The following LSAMP variants were observed in gnomAD, a reference collection of about 807,000 sequenced individuals.
LSAMP encodes limbic system-associated membrane protein.
In LSAMP, 7 loss-of-function variants were observed where a neutral mutation model predicts 38.6. The observed-to-expected ratio is 0.18, with a 90% CI of 0.10 to 0.34. LSAMP has a LOEUF of 0.34. LSAMP is among the 10% of genes least tolerant of loss of function. The pLI, the probability that LSAMP is intolerant of heterozygous loss-of-function variation, is 1.00. For missense variants in LSAMP, 313 were observed against 420.0 expected (o/e 0.75, Z 2.23); for synonymous variants, 154 against 166.8 (o/e 0.92, Z 0.59).
At chr3:115,940,307 C>T (rs1413597506) in intron 3 of LSAMP, among the ~76,000 whole-genome samples, 1 of 8,202 alleles carries the variant, frequency 1.2e-4, no homozygotes, top group East Asian at 7.5e-3. Context: ...TTTGGCCCCG[C>T]CCACGTCCTA....
intron 1 of LSAMP, among the ~76,000 whole-genome samples, chr3:116,179,015 C>T (rs1173004301): frequency 7.4e-6 from 1 of 135,254 alleles, no homozygotes; most frequent in Non-Finnish European, 1.7e-5. Context: ...TCTCAGCTAC[C>T]CAACTTTTAC....
intron 2 of LSAMP, among the ~76,000 whole-genome samples, chr3:116,082,282 A>C (rs750809794): frequency 2.0e-5 from 3 of 152,194 alleles, no homozygotes; most frequent in Non-Finnish European, 4.4e-5. Context: ...TTTATATATA[A>C]TTTGATTCAA....
chr3:116,389,043 AGAAACCCAAGTT>A (rs1173856205), intron 1 of LSAMP, among the ~76,000 whole-genome samples: 1 of 152,226 alleles, frequency 6.6e-6, no homozygotes, highest in East Asian at 1.9e-4. Context: ...GAACCAGTCA[AGAAACCCAAGTT>A]CTAATTGCAG....
At chr3:116,343,432 T>G (rs1291953232) in intron 1 of LSAMP, among the ~76,000 whole-genome samples, 1 of 152,132 alleles carries the variant, frequency 6.6e-6, no homozygotes, top group Admixed American at 6.6e-5. Context: ...AGGGTCCACT[T>G]GTTATTTATA....
chr3:116,068,974 C>CA (rs1469492870), intron 2 of LSAMP, among the ~76,000 whole-genome samples: 1 of 152,150 alleles, frequency 6.6e-6, no homozygotes, highest in Non-Finnish European at 1.5e-5. Flanking sequence ...TTGTGGATAG[C>CA]AAGATCAAGT....
chr3:116,071,883 G>A (rs1438719450), intron 2 of LSAMP, among the ~76,000 whole-genome samples: 1 of 151,748 alleles, frequency 6.6e-6, no homozygotes, highest in East Asian at 1.9e-4. Context: ...GTTTGCTGAG[G>A]ATAACAGCTT....
In LSAMP at chr3:116,441,739, T is replaced by G. The variant is rs147062367; in HGVS notation, c.155+3138A>C. On this transcript the variant is annotated intron_variant, in intron 1 of 6. Transcript: ENST00000490035. ...GGTAGACTCTGTTTAGAAAAGCACC[T>G]GAGGCAGCTTCATGACTGAAGTCCT... Among the ~76,000 whole-genome samples, 40 of 152,348 alleles carry G rather than the reference T, an allele frequency of 2.6e-4. 1 individual carries two copies. The East Asian group carries it at 7.5e-3, about 29-fold the overall frequency.
intron 1 of LSAMP, among the ~76,000 whole-genome samples, chr3:116,166,810 G>A (rs1484971453): frequency 1.1e-4 from 14 of 123,134 alleles, no homozygotes; most frequent in Non-Finnish European, 1.9e-4. Context: ...TTTTTGAGAC[G>A]GAGTCTCACT....
At chr3:116,359,064 G>C (rs1433128633) in intron 1 of LSAMP, among the ~76,000 whole-genome samples, 1 of 152,014 alleles carries the variant, frequency 6.6e-6, no homozygotes, top group African/African-American at 2.4e-5. Flanking sequence ...AAGTTTTCTT[G>C]ATTTGACCTT....
At chr3:116,333,554 TATC>T (rs1249762594) in intron 1 of LSAMP, among the ~76,000 whole-genome samples, 2 of 145,826 alleles carry the variant, frequency 1.4e-5, no homozygotes, top group African/African-American at 5.1e-5. Context: ...AAAAAAAAGA[TATC>T]ATACAAGTAT....
chr3:115,838,953 T>C (rs1934889739), intron 6 of LSAMP, among the ~76,000 whole-genome samples: 1 of 152,164 alleles, frequency 6.6e-6, no homozygotes, highest in African/African-American at 2.4e-5. Context: ...CTGCTGCCGC[T>C]GGCTGGCAGA....
At chr3:116,104,157 G>A (rs1708410715) in intron 1 of LSAMP, among the ~76,000 whole-genome samples, 1 of 152,196 alleles carries the variant, frequency 6.6e-6, no homozygotes, top group African/African-American at 2.4e-5. Context: ...AGAGAGTCCA[G>A]TCTCATAATT....
rs1559764715 is a variant in LSAMP, at chr3:116,161,102, G to A, written c.156-74546C>T. Among the ~76,000 whole-genome samples the A allele has an allele frequency of 2.0e-5, 3 of 152,272 alleles. No individual in the cohort carries two copies. In the East Asian group the frequency reaches 5.8e-4, roughly 29 times the overall value. On this transcript the variant is annotated intron_variant, in intron 1 of 6. Coordinates refer to ENST00000490035, the MANE Select transcript of LSAMP (RefSeq NM_002338.5). ...TATTAATTTTAATTATTTTAAGTGT[G>A]AATGGTCACATGTGGCTAGTGGCTG... is the stretch of plus-strand genomic sequence containing the variant.
chr3:116,156,434 C>T (rs916847468), intron 1 of LSAMP, among the ~76,000 whole-genome samples: 2 of 151,996 alleles, frequency 1.3e-5, no homozygotes, highest in Non-Finnish European at 2.9e-5. Context: ...TAACAAAACA[C>T]ATATTTGGGA....
chr3:116,073,958 C>CA (rs1362314896), intron 2 of LSAMP, among the ~76,000 whole-genome samples: 2 of 152,114 alleles, frequency 1.3e-5, no homozygotes, highest in Admixed American at 1.3e-4. Context: ...ATAAAAAGGG[C>CA]ATGACTGCTG....
chr3:116,287,324 A>G (rs1015948695), intron 1 of LSAMP, among the ~76,000 whole-genome samples: 1 of 152,122 alleles, frequency 6.6e-6, no homozygotes, highest in Non-Finnish European at 1.5e-5. Context: ...AGCTCTCACA[A>G]TGTGACCCTA....
intron 1 of LSAMP, among the ~76,000 whole-genome samples, chr3:116,281,657 A>T (rs1428236900): frequency 6.6e-6 from 1 of 152,220 alleles, no homozygotes; most frequent in Non-Finnish European, 1.5e-5. Context: ...CTTTCAGCAC[A>T]AATACAAATC....
chr3:115,871,973 A>T (rs1936052297), intron 3 of LSAMP, among the ~76,000 whole-genome samples: 2 of 152,156 alleles, frequency 1.3e-5, no homozygotes, highest in Admixed American at 1.3e-4. Flanking sequence ...TGTACAATTC[A>T]GCTGGTATAG....
chr3:115,933,177 T>C (rs944222648), intron 3 of LSAMP, among the ~76,000 whole-genome samples: 3 of 152,118 alleles, frequency 2.0e-5, no homozygotes, highest in African/African-American at 7.2e-5. Context: ...AAAAAGGCAT[T>C]GGGAGCCCAT....
Sources: gnomAD v4.1 joint callset for allele counts (sites outside exome capture counted in the v4.1 genomes callset) on GRCh38, gnomAD v4.1.1 for gene constraint, MANE v1.5 for transcripts, NCBI Gene and HGNC (gene_info 2026-07-23, HGNC 2026-07-21) for gene names.